Variants in LARGE1 observed in about 807,000 individuals in gnomAD.
The protein encoded by LARGE1 is LARGE xylosyl- and glucuronyltransferase 1, also known as xylosyl- and glucuronyltransferase LARGE1.
In LARGE1, 43 loss-of-function variants were observed where a neutral mutation model predicts 87.6. That is an observed-to-expected ratio of 0.49 (90% CI 0.38 to 0.63). The LOEUF is 0.63. Ranked by LOEUF, LARGE1 falls within the 30% of genes least tolerant of loss-of-function variation. The probability of loss-of-function intolerance (pLI) is 0.00; values close to 1 mark genes in which losing one functional copy is unlikely to be tolerated. For missense variants in LARGE1, 802 were observed against 1,000.2 expected, an observed-to-expected ratio of 0.80 and a Z score of 2.67; for synonymous variants, 434 against 394.6, an observed-to-expected ratio of 1.10 and a Z score of -1.18.
At chr22:33,849,079 G>A (rs2063511166) in intron 1 of LARGE1, among the ~76,000 whole-genome samples, 1 of 152,224 alleles carries the variant, frequency 6.6e-6, no homozygotes, top group South Asian at 2.1e-4. Flanking sequence ...CAGGGACTGT[G>A]TAGAGAAAGA....
chr22:33,506,202 A>G (rs2070757413), intron 6 of LARGE1, among the ~76,000 whole-genome samples: 1 of 151,936 alleles, frequency 6.6e-6, no homozygotes, highest in African/African-American at 2.4e-5. Context: ...TACATAATAT[A>G]TATATATATA....
intron 5 of LARGE1, among the ~76,000 whole-genome samples, chr22:33,579,709 T>C (rs2078457620): frequency 1.3e-5 from 2 of 152,286 alleles, no homozygotes; most frequent in African/African-American, 4.8e-5. Flanking sequence ...ACACAAGCCA[T>C]GCTAAAGTGT....
intron 1 of LARGE1, among the ~76,000 whole-genome samples, chr22:33,902,640 C>T (rs1050030531): frequency 1.3e-5 from 2 of 152,204 alleles, no homozygotes; most frequent in Admixed American, 6.5e-5. Context: ...AAACAGTCTG[C>T]ACTGCCTAGG....
intron 6 of LARGE1, among the ~76,000 whole-genome samples, chr22:33,541,952 C>G (rs541661065): frequency 1.3e-5 from 2 of 151,970 alleles, no homozygotes; most frequent in South Asian, 4.2e-4. Flanking sequence ...CACCTGAGGT[C>G]AAGAGTTGGA....
intron 5 of LARGE1, among the ~76,000 whole-genome samples, chr22:33,576,576 A>T (rs988878483): frequency 1.3e-5 from 2 of 152,086 alleles, no homozygotes; most frequent in Non-Finnish European, 2.9e-5. Flanking sequence ...TAACCTGTCT[A>T]TCTGTAGTCT....
At position 33,359,706 on chromosome 22, in the gene LARGE1, G is replaced by A. The variant is rs761402315; in HGVS notation, c.1132-21905C>T. 9.4e-5 allele frequency among the ~76,000 whole-genome samples: 14 copies of A among 149,342 alleles called. 1 individual carries two copies. Among genetic ancestry groups the A allele is most frequent in the South Asian group, 4.4e-4 (2 of 4,500 alleles). ...AGCTTCTCGAGTAGCTGGGACTACA[G>A]GCGCCCACCACCACGCCCGGCTAAT... is the stretch of plus-strand genomic sequence containing the variant. On this transcript the variant is annotated intron_variant, in intron 9 of 14. Coordinates refer to ENST00000397394, the MANE Select transcript of LARGE1 (RefSeq NM_133642.5).
At chr22:33,283,822 G>A in intron 12 of LARGE1, among the ~76,000 whole-genome samples, 1 of 122,832 alleles carries the variant, frequency 8.1e-6, no homozygotes, top group Non-Finnish European at 1.7e-5. Flanking sequence ...GAAAGGAAGA[G>A]AAAAGAAAGG....
intron 1 of LARGE1, among the ~76,000 whole-genome samples, chr22:33,763,158 CA>C (rs1464688873): frequency 6.6e-6 from 1 of 152,174 alleles, no homozygotes. Flanking sequence ...TATTGCCTGT[CA>C]GCTGCAGGTG....
the LARGE1 span, among the ~76,000 whole-genome samples, chr22:33,126,457 G>T: frequency 2.0e-5 from 3 of 152,054 alleles, no homozygotes; most frequent in Non-Finnish European, 2.9e-5. Context: ...CAAAAATTTT[G>T]TATCGTGCAT....
chr22:33,838,719 C>T (rs13053692), intron 1 of LARGE1, among the ~76,000 whole-genome samples: 526 of 152,256 alleles, frequency 3.5e-3, no homozygotes, highest in Non-Finnish European at 5.9e-3. Flanking sequence ...TGGAACAGTC[C>T]GTCCTACTGG....
Position 33,885,208 on chromosome 22 carries a change from A to ACC in LARGE1, c.-83+34785_-83+34786dup, listed in dbSNP as rs1411237803. The stretch of plus-strand genomic sequence containing the variant: ...CAAGGGTGTGTGTTCCACAGGCGAT[A>ACC]CCATGCTTCCTATACCAGTGACTCT... On this transcript the variant is annotated intron_variant, in intron 1 of 14. Transcript: ENST00000397394. Among the ~76,000 whole-genome samples the ACC allele has an allele frequency of 1.8e-4, 14 of 77,616 alleles. No individual in the cohort carries two copies. The Admixed American group carries it at 1.9e-3, about 10-fold the overall frequency. 50.9% of individuals were successfully genotyped at this position (77,616 alleles called of 152,430 possible). A position where few individuals can be genotyped will look rare whatever the true frequency, so the allele number is the denominator to read the frequency against.
At chr22:33,816,689 TAGACAGACAGAC>T (rs1226644906) in intron 1 of LARGE1, among the ~76,000 whole-genome samples, 82 of 132,474 alleles carry the variant, frequency 6.2e-4, no homozygotes, top group African/African-American at 1.4e-3. Context: ...GATAGATAGA[TAGACAGACAGAC>T]AGACAGACAG....
intron 11 of LARGE1, among the ~76,000 whole-genome samples, chr22:33,216,547 T>G (rs1925211433): frequency 6.9e-6 from 1 of 145,438 alleles, no homozygotes; most frequent in Non-Finnish European, 1.5e-5. Context: ...AAGAATGGTG[T>G]GAACCCAGGA....
chr22:33,216,796 TAAAG>T (rs1925226867), intron 11 of LARGE1, among the ~76,000 whole-genome samples: 2 of 152,008 alleles, frequency 1.3e-5, no homozygotes, highest in South Asian at 4.1e-4. Context: ...ATCTGCTGGG[TAAAG>T]CCCTCAGGCA....
Position 33,839,515 on chromosome 22 carries a change from CAT to C in LARGE1, c.-82-77959_-82-77958del, listed in dbSNP as rs1489140727. On this transcript the variant is annotated intron_variant, in intron 1 of 14. Coordinates refer to ENST00000397394, the MANE Select transcript of LARGE1 (RefSeq NM_133642.5). ...CTGGCAGAGAAGATCCCCATTTACA[CAT>C]ATGTTGGAACAAACAAATAAATAAC... 2.0e-5 allele frequency among the ~76,000 whole-genome samples: 3 copies of C among 152,320 alleles called. No individual in the cohort carries two copies. The East Asian group carries it at 5.8e-4, about 29-fold the overall frequency.
chr22:33,892,395 C>T (rs2065028095), intron 1 of LARGE1, among the ~76,000 whole-genome samples: 1 of 152,188 alleles, frequency 6.6e-6, no homozygotes, highest in African/African-American at 2.4e-5. Context: ...AGCAGAAATG[C>T]TCAAGATCTT....
intron 7 of LARGE1, among the ~76,000 whole-genome samples, chr22:33,394,580 G>C (rs200214059): frequency 1.3e-5 from 2 of 152,272 alleles, no homozygotes; most frequent in East Asian, 3.9e-4. Context: ...AAGGTAGACA[G>C]AATTACCTCC....
intron 6 of LARGE1, among the ~76,000 whole-genome samples, chr22:33,552,263 A>G (rs565373646): frequency 1.3e-5 from 2 of 152,260 alleles, no homozygotes; most frequent in African/African-American, 4.8e-5. Flanking sequence ...CTGCTTTTCA[A>G]TATTTCTTCC....
At chr22:33,769,350 C>G (rs572643782) in intron 1 of LARGE1, among the ~76,000 whole-genome samples, 187 of 152,276 alleles carry the variant, frequency 1.2e-3, no homozygotes, top group Non-Finnish European at 2.3e-3. Flanking sequence ...CACGCAAATT[C>G]TCGTATTGTT....
Sources: allele counts gnomAD v4.1 joint callset (sites outside exome capture counted in the v4.1 genomes callset), GRCh38; gene constraint gnomAD v4.1.1; transcripts MANE v1.5; gene names NCBI Gene and HGNC (gene_info 2026-07-23, HGNC 2026-07-21).